The following PDE4D variants were observed in gnomAD, a reference collection of about 807,000 sequenced individuals.
PDE4D encodes 3',5'-cyclic-AMP phosphodiesterase 4D.
Under a neutral mutation model 87.4 loss-of-function variants are expected in PDE4D, and 24 were observed. The ratio of observed to expected loss-of-function variants is 0.27; its 90% CI spans 0.20 to 0.39. The LOEUF (loss-of-function observed/expected upper bound fraction) is 0.39. Among genes scored for constraint, PDE4D ranks in the 10% least tolerant of loss-of-function variants. The pLI, the probability that PDE4D is intolerant of heterozygous loss-of-function variation, is 1.00. For synonymous variants in PDE4D, 384 were observed against 383.2 expected (o/e 1.00, Z -0.02); for missense variants, 714 against 1,041.0 (o/e 0.69, Z 4.32).
chr5:59,042,553 C>T (rs1359264959), intron 5 of PDE4D, among the ~76,000 whole-genome samples: 3 of 152,160 alleles, frequency 2.0e-5, no homozygotes, highest in African/African-American at 7.2e-5. Flanking sequence ...TACATGAAAA[C>T]TCTTTAACTG....
chr5:59,045,535 A>G (rs1175571575), intron 5 of PDE4D, among the ~76,000 whole-genome samples: 2 of 150,030 alleles, frequency 1.3e-5, no homozygotes, highest in Admixed American at 6.7e-5. Context: ...CCTGGGCAAC[A>G]AGAGCATAAA....
chr5:59,958,943 C>T (rs1759160564), intron 3 of PDE4D, among the ~76,000 whole-genome samples: 1 of 152,104 alleles, frequency 6.6e-6, no homozygotes, highest in Admixed American at 6.5e-5. Flanking sequence ...CTAGACAAAC[C>T]TAATGTCTCC....
At position 60,434,492 on chromosome 5, in the gene PDE4D, A is replaced by G. The variant is rs1583758156; in HGVS notation, c.-90+53450T>C. ...AGGCAGAGTCAGTAGCATGAATTGT[A>G]TAGATTACTCTAATTTTAAAGGCAA... On this transcript the variant is annotated intron_variant, in intron 1 of 16. Transcript: ENST00000502484. 2.6e-5 allele frequency among the ~76,000 whole-genome samples: 4 copies of G among 152,194 alleles called. No homozygotes were observed. In the East Asian group the frequency reaches 7.7e-4, roughly 29 times the overall value.
intron 1 of PDE4D, among the ~76,000 whole-genome samples, chr5:59,751,617 AGAGCGAGC>A (rs57969951): frequency 8.6e-6 from 1 of 116,934 alleles, no homozygotes; most frequent in East Asian, 2.1e-4. Context: ...GTGTGATGTG[AGAGCGAGC>A]GAGCGAGCAA....
intron 1 of PDE4D, among the ~76,000 whole-genome samples, chr5:60,510,089 C>A (rs993178671): frequency 6.6e-6 from 1 of 152,114 alleles, no homozygotes; most frequent in South Asian, 2.1e-4. Flanking sequence ...AAGGGGAAGA[C>A]AACGTATAGG....
intron 2 of PDE4D, among the ~76,000 whole-genome samples, chr5:59,200,670 T>C (rs62358000): frequency 0.29 from 4,672 of 15,862 alleles, 1,374 homozygotes; most frequent in African/African-American, 0.44. Context: ...TGTGTATGTA[T>C]AGATACACGT....
At chr5:60,497,864 G>A (rs1262685355) in intron 1 of PDE4D, among the ~76,000 whole-genome samples, 1 of 152,100 alleles carries the variant, frequency 6.6e-6, no homozygotes, top group East Asian at 1.9e-4. Flanking sequence ...TACAGACTTT[G>A]ATCTATTGCC....
intron 1 of PDE4D, among the ~76,000 whole-genome samples, chr5:59,722,745 T>C (rs566710266): frequency 6.4e-4 from 97 of 152,288 alleles, no homozygotes; most frequent in Middle Eastern, 3.4e-3. Context: ...CAATGTTATA[T>C]GTTGAACATT....
At chr5:59,136,147 T>A (rs1318561531) in intron 5 of PDE4D, among the ~76,000 whole-genome samples, 4 of 152,156 alleles carry the variant, frequency 2.6e-5, no homozygotes, top group African/African-American at 9.6e-5. Flanking sequence ...CTCCTCAAGA[T>A]AATTGATTCA....
At chr5:59,341,898 T>C (rs1205159203) in intron 1 of PDE4D, among the ~76,000 whole-genome samples, 1 of 152,208 alleles carries the variant, frequency 6.6e-6, no homozygotes, top group Non-Finnish European at 1.5e-5. Context: ...GCTGACTGTT[T>C]ACTCTATGCC....
chr5:59,799,633 A>G (rs1007142570), intron 1 of PDE4D, among the ~76,000 whole-genome samples: 20 of 152,332 alleles, frequency 1.3e-4, no homozygotes, highest in African/African-American at 4.8e-4. Context: ...CCATCGGACC[A>G]TATCATGCAA....
In PDE4D at chr5:60,466,811, G is replaced by C. The variant is rs116520836; in HGVS notation, c.-90+21131C>G. Among the ~76,000 whole-genome samples, 1,238 of 152,060 alleles carry C rather than the reference G, an allele frequency of 8.1e-3. 12 individuals carry two copies. The highest frequency in any genetic ancestry group is 0.012 in the Non-Finnish European group (819 of 67,990). ...GTTGAATTTATCCTGCCCCTTCGTT[G>C]TTCTCAGTAGTTGATTTTGCCCTTA... is the stretch of plus-strand genomic sequence containing the variant. On this transcript the variant is annotated intron_variant, in intron 1 of 16. Transcript: ENST00000502484.
At chr5:59,660,754 T>G (rs536805229) in intron 1 of PDE4D, among the ~76,000 whole-genome samples, 1 of 152,226 alleles carries the variant, frequency 6.6e-6, no homozygotes, top group South Asian at 2.1e-4. Flanking sequence ...CAAGGCTAAG[T>G]AAAATAGTTC....
chr5:60,308,593 G>A (rs2149808671), intron 1 of PDE4D, among the ~76,000 whole-genome samples: 1 of 152,300 alleles, frequency 6.6e-6, no homozygotes, highest in South Asian at 2.1e-4. Context: ...GAAGGCTTGT[G>A]TTTCTAAATG....
chr5:60,112,676 T>C (rs961894180), intron 2 of PDE4D, among the ~76,000 whole-genome samples: 8 of 152,064 alleles, frequency 5.3e-5, no homozygotes, highest in Non-Finnish European at 1.0e-4. Context: ...CATAAAACCA[T>C]CTGAATAGAT....
intron 1 of PDE4D, among the ~76,000 whole-genome samples, chr5:59,795,666 C>T (rs892795199): frequency 3.9e-5 from 6 of 152,168 alleles, no homozygotes; most frequent in Non-Finnish European, 8.8e-5. Flanking sequence ...ACCACACTGT[C>T]GGCTGGGGTC....
intron 1 of PDE4D, among the ~76,000 whole-genome samples, chr5:59,657,708 G>A (rs751976704): frequency 5.3e-5 from 8 of 151,962 alleles, no homozygotes; most frequent in South Asian, 2.1e-4. Context: ...CAATAAAATC[G>A]CAATTCTTCT....
intron 1 of PDE4D, among the ~76,000 whole-genome samples, chr5:59,738,832 TTC>T (rs1452587453): frequency 6.6e-6 from 1 of 152,026 alleles, no homozygotes; most frequent in African/African-American, 2.4e-5. Context: ...TCTTACTCAT[TTC>T]TTTTTATCCT....
chr5:60,189,784 A>G (rs1048653955), intron 1 of PDE4D, among the ~76,000 whole-genome samples: 1 of 152,226 alleles, frequency 6.6e-6, no homozygotes, highest in African/African-American at 2.4e-5. Flanking sequence ...GGTTTTAAAA[A>G]GTTTATTGAG....
Sources: allele counts gnomAD v4.1 joint callset (sites outside exome capture counted in the v4.1 genomes callset), GRCh38; gene constraint gnomAD v4.1.1; transcripts MANE v1.5; gene names NCBI Gene and HGNC (gene_info 2026-07-23, HGNC 2026-07-21).